Variants in ZIM2 observed in about 807,000 individuals in gnomAD.
The protein encoded by ZIM2 is zinc finger imprinted 2.
Under a neutral mutation model 38.6 loss-of-function variants are expected in ZIM2, and 14 were observed. The observed-to-expected ratio is 0.36, with a 90% confidence interval of 0.24 to 0.57. ZIM2 has a LOEUF of 0.57. Among genes scored for constraint, ZIM2 ranks in the 20% least tolerant of loss-of-function variants. The pLI is 0.81. For missense variants in ZIM2, 680 were observed against 695.1 expected (o/e 0.98, Z 0.24); for synonymous variants, 247 against 245.8 (o/e 1.00, Z -0.04).
In ZIM2 at chr19:56,824,255, C is replaced by T; in HGVS notation, c.16+7G>A. ...ACTGACCACCAACACCCCGTGGAGACTCTCACCTTCTGGTTGGTACATCTC... is the reference window on the plus strand; with the variant it reads ...ACTGACCACCAACACCCCGTGGAGATTCTCACCTTCTGGTTGGTACATCTC... On this transcript the variant is annotated splice_region_variant and intron_variant, in intron 4 of 12. Coordinates refer to ENST00000629319, the MANE Select transcript of ZIM2 (RefSeq NM_001387356.1). The T allele has an allele frequency of 6.2e-7, 1 of 1,612,476 alleles. No individual in the cohort carries two copies. The highest frequency in any genetic ancestry group is 8.5e-7 in the Non-Finnish European group (1 of 1,179,104).
chr19:56,812,232 C>T, intron 9 of ZIM2: 1 of 979,818 alleles, frequency 1.0e-6, no homozygotes, highest in Non-Finnish European at 1.2e-6. Context: ...AGGTAGTCCA[C>T]AGAATAGGAC....
intron 1 of ZIM2, among the ~76,000 whole-genome samples, chr19:56,839,267 A>G (rs1020893203): frequency 4.0e-5 from 6 of 150,650 alleles, no homozygotes; most frequent in Non-Finnish European, 8.9e-5. Flanking sequence ...CCCCCATCAA[A>G]CATGGCATCT....
chr19:56,826,119 T>C (rs184577279), intron 3 of ZIM2, among the ~76,000 whole-genome samples: 1 of 152,240 alleles, frequency 6.6e-6, no homozygotes, highest in East Asian at 1.9e-4. Flanking sequence ...ACAACATAGA[T>C]AATGCTCTGC....
chr19:56,822,972 A>C, intron 5 of ZIM2, 136 bp from the exon 6 acceptor site: 1 of 1,187,242 alleles, frequency 8.4e-7, no homozygotes, highest in Non-Finnish European at 1.2e-6. Flanking sequence ...AGAGAGCTCC[A>C]GGTTCCCAGG....
chr19:56,787,954 TTTGA>T (rs2145900593), intron 10 of ZIM2, among the ~76,000 whole-genome samples: 1 of 152,166 alleles, frequency 6.6e-6, no homozygotes, highest in South Asian at 2.1e-4. Context: ...ATTGTGTCTT[TTTGA>T]TTTTTTATTG....
chr19:56,811,624 G>A (rs1437217585), intron 9 of ZIM2: 16 of 985,160 alleles, frequency 1.6e-5, no homozygotes, highest in Non-Finnish European at 1.7e-5. Flanking sequence ...TTAACACCAA[G>A]TAATGTACCC....
rs1313211573 is a variant in ZIM2 at position 56,814,155 on chromosome 19, A to G, written c.490+3591T>C. 3 of 1,614,054 alleles carry G rather than the reference A, an allele frequency of 1.9e-6. No homozygotes were observed. The highest frequency in any genetic ancestry group is 1.7e-6 in the Non-Finnish European group (2 of 1,180,004). ...GTCCAGCCTCTCCAATGGGCTCTGCAGCCTCTCCATCTGGCCCTTCAGCCT... is the reference window on the plus strand; with the variant it reads ...GTCCAGCCTCTCCAATGGGCTCTGCGGCCTCTCCATCTGGCCCTTCAGCCT... On this transcript the variant is annotated intron_variant, in intron 9 of 12. Coordinates refer to ENST00000629319, the MANE Select transcript of ZIM2 (RefSeq NM_001387356.1). The surrounding 1 kb of genome is among the most constrained non-coding windows in gnomAD (Gnocchi z 5.8).
intron 9 of ZIM2, chr19:56,810,196 G>A (rs1339588304): frequency 1.0e-6 from 1 of 980,984 alleles, no homozygotes; most frequent in East Asian, 1.1e-4. Flanking sequence ...ATATCAAGAT[G>A]TTAACCACAC....
chr19:56,829,619 T>C (rs1199482532), intron 2 of ZIM2, among the ~76,000 whole-genome samples: 1 of 152,234 alleles, frequency 6.6e-6, no homozygotes, highest in East Asian at 1.9e-4. Context: ...CCTGCAGGGC[T>C]ACCTGACACA....
chr19:56,824,611 G>A, intron 3 of ZIM2, 184 bp from the exon 4 acceptor site: 1 of 1,607,338 alleles, frequency 6.2e-7, no homozygotes, highest in East Asian at 2.2e-5. Flanking sequence ...TTGGGGCCCA[G>A]GACTTCTTAG....
chr19:56,781,825 A>T (rs1446464021), intron 11 of ZIM2, 128 bp downstream of exon 11: 6 of 1,165,912 alleles, frequency 5.1e-6, no homozygotes, highest in Non-Finnish European at 7.2e-6. Flanking sequence ...ATATTAAAAT[A>T]TTGCCTCTGA....
intron 9 of ZIM2, among the ~76,000 whole-genome samples, chr19:56,791,584 C>G (rs779425308): frequency 1.3e-5 from 2 of 152,008 alleles, no homozygotes; most frequent in Non-Finnish European, 2.9e-5. Context: ...ACTATCCAAC[C>G]CAAAAGTATA....
intron 7 of ZIM2, among the ~76,000 whole-genome samples, chr19:56,819,392 A>T (rs2060269273): frequency 6.6e-6 from 1 of 152,166 alleles, no homozygotes; most frequent in Non-Finnish European, 1.5e-5. Context: ...CCTAAAAAGG[A>T]ATTTTAAAAT....
intron 9 of ZIM2, chr19:56,815,870 T>C: frequency 6.2e-7 from 1 of 1,613,482 alleles, no homozygotes; most frequent in Non-Finnish European, 8.5e-7. Flanking sequence ...GATTCTCCCT[T>C]CTCATTAGAT....
intron 8 of ZIM2, 101 bp downstream of exon 8, chr19:56,818,499 A>T (rs1639999524): frequency 1.6e-6 from 2 of 1,222,668 alleles, no homozygotes; most frequent in Non-Finnish European, 1.2e-6. Context: ...TTGAAGTCCA[A>T]ATATATTAAT....
Position 56,813,594 on chromosome 19 carries a change from A to G in ZIM2, c.490+4152T>C, listed in dbSNP as rs1410602737. On this transcript the variant is annotated intron_variant, in intron 9 of 12. Coordinates refer to ENST00000629319, the MANE Select transcript of ZIM2 (RefSeq NM_001387356.1). ...TAAGGTTAAGTCTCCTACTGACATT[A>G]TCATGGATTGGTTTGGATTCTCTGT... 1.7e-5 allele frequency: 26 copies of G among 1,506,870 alleles called. 1 individual carries two copies. Among genetic ancestry groups the G allele is most frequent in the South Asian group, 2.6e-5 (2 of 75,830 alleles). The allele number at this position is 1,506,870 out of a possible 1,614,324, so 93.3% of individuals were successfully genotyped here.
intron 9 of ZIM2, among the ~76,000 whole-genome samples, chr19:56,796,281 T>TA (rs1258427397): frequency 2.0e-5 from 3 of 152,264 alleles, no homozygotes. Context: ...CTAGATTACT[T>TA]ACATTACCTA....
intron 9 of ZIM2, chr19:56,816,448 G>A (rs1253851459): frequency 7.4e-6 from 12 of 1,613,864 alleles, no homozygotes; most frequent in Admixed American, 3.3e-5. Flanking sequence ...AGGAATAAAG[G>A]TTTCCTCACA....
At chr19:56,826,212 G>A (rs972771729) in intron 3 of ZIM2, among the ~76,000 whole-genome samples, 176 bp downstream of exon 3, 1 of 152,150 alleles carries the variant, frequency 6.6e-6, no homozygotes, top group Non-Finnish European at 1.5e-5. Flanking sequence ...TTTCAGACAT[G>A]GTCACTCTAA....
Sources: allele counts gnomAD v4.1 joint callset (sites outside exome capture counted in the v4.1 genomes callset), GRCh38; gene constraint gnomAD v4.1.1; non-coding constraint Gnocchi (gnomAD v3.1); transcripts MANE v1.5; gene names NCBI Gene and HGNC (gene_info 2026-07-23, HGNC 2026-07-21).